SLC25A6: variants seen among roughly 807,000 people sequenced by gnomAD.
SLC25A6 encodes the protein solute carrier family 25 member 6, also known as ADP/ATP translocase 3.
SLC25A6 carries 9 observed loss-of-function variants against 25.7 expected under a neutral mutation model. The ratio of observed to expected loss-of-function variants is 0.35; its 90% confidence interval spans 0.21 to 0.61. SLC25A6 has a LOEUF of 0.61. SLC25A6 is among the 20% of genes least tolerant of loss of function. The pLI is 0.76. For missense variants in SLC25A6, 404 were observed against 440.5 expected, an observed-to-expected ratio of 0.92 and a Z score of 0.74; for synonymous variants, 223 against 197.0, an observed-to-expected ratio of 1.13 and a Z score of -1.11.
rs11550232 is a variant in SLC25A6 at position 1,389,473 on chromosome X, C to T, written c.366G>A (p.Ala122=). Residue 122 remains alanine (A), a synonymous_variant, in exon 2 of 4, where the codon GCG becomes GCA. Transcript: ENST00000381401. ...CGAAGCAGAGGGAGGTCGCGCCGGCCGCACCGCCGGAGGCCAGGTTGCCCG... is the reference window on the plus strand; with the variant it reads ...CGAAGCAGAGGGAGGTCGCGCCGGCTGCACCGCCGGAGGCCAGGTTGCCCG... ...YFAGNLASGG[A]AGATSLCFVY... 1.1e-4 allele frequency: 183 copies of T among 1,613,892 alleles called. 1 individual carries two copies. The highest frequency in any genetic ancestry group is 1.8e-4 in the South Asian group (16 of 91,082).
Position 1,386,577 on chromosome X carries a change from G to C in SLC25A6, c.*25C>G. 6.6e-7 allele frequency: 1 copy of C among 1,522,602 alleles called. No individual in the cohort carries two copies. Among genetic ancestry groups the C allele is most frequent in the Non-Finnish European group, 8.8e-7 (1 of 1,137,242 alleles). The allele number at this position is 1,522,602 out of a possible 1,614,324, so 94.3% of individuals were successfully genotyped here. A position where few individuals can be genotyped will look rare whatever the true frequency, so the allele number is the denominator to read the frequency against. On this transcript the variant is annotated 3_prime_UTR_variant, in exon 4 of 4. Coordinates refer to ENST00000381401, the MANE Select transcript of SLC25A6 (RefSeq NM_001636.4). The stretch of plus-strand genomic sequence containing the variant: ...TTCTCTTGGTTCCCCTGGTGTGTGT[G>C]TGTGTGTGGAGGAGGCCGCGGCCCT...
At chrX:1,391,768 C>A in intron 1 of SLC25A6, 131 bp downstream of exon 1, 1 of 656,002 alleles carries the variant, frequency 1.5e-6, no homozygotes, top group Non-Finnish European at 2.5e-6. Flanking sequence ...GCCGGCGGCG[C>A]GTGGACAAAG....
chrX:1,387,873 T>C (rs2089346649), intron 2 of SLC25A6, among the ~76,000 whole-genome samples: 1 of 151,804 alleles, frequency 6.6e-6, no homozygotes, highest in Non-Finnish European at 1.5e-5. Flanking sequence ...ACGACCCCAG[T>C]GTCCTTCTAA....
rs1189174302 is a variant in SLC25A6 at position 1,386,366 on chromosome X, C to T, written c.*236G>A. 8 of 485,888 alleles carry T rather than the reference C, an allele frequency of 1.6e-5. No individual in the cohort carries two copies. The highest frequency in any genetic ancestry group is 1.7e-5 in the Non-Finnish European group (5 of 287,246). The allele number at this position is 485,888 out of a possible 1,614,324, so 30.1% of individuals were successfully genotyped here. On this transcript the variant is annotated 3_prime_UTR_variant, in exon 4 of 4. Coordinates refer to ENST00000381401, the MANE Select transcript of SLC25A6 (RefSeq NM_001636.4). ...TGGAGTGTCTCACCCATGGGCCCCACGCAGGGACGCCACGGTTCCCTCCCA... is the reference window on the plus strand; with the variant it reads ...TGGAGTGTCTCACCCATGGGCCCCATGCAGGGACGCCACGGTTCCCTCCCA...
chrX:1,389,073 T>C (rs1472091623), intron 2 of SLC25A6, among the ~76,000 whole-genome samples, 168 bp downstream of exon 2: 64 of 140,468 alleles, frequency 4.6e-4, no homozygotes, highest in East Asian at 6.5e-4. Flanking sequence ...AGAGGGATGA[T>C]GCTGTGAGGG....
In SLC25A6 at chrX:1,392,069, G is replaced by A. The variant is rs2089422414; in HGVS notation, c.-60C>T. ...CGGAGAACGGGCGCGGAGAGTGAAT[G>A]GAGGGCGTCGCTGGCTCAGCCCTGC... On this transcript the variant is annotated 5_prime_UTR_variant, in exon 1 of 4. Coordinates refer to ENST00000381401, the MANE Select transcript of SLC25A6 (RefSeq NM_001636.4). 2 of 1,295,052 alleles carry A rather than the reference G, an allele frequency of 1.5e-6. No individual in the cohort carries two copies. The highest frequency in any genetic ancestry group is 1.3e-5 in the South Asian group (1 of 78,842). 80.2% of individuals were successfully genotyped at this position (1,295,052 alleles called of 1,614,324 possible). A position where few individuals can be genotyped will look rare whatever the true frequency, so the allele number is the denominator to read the frequency against.
At chrX:1,389,749 C>G in intron 1 of SLC25A6, 22 bp from the exon 2 acceptor site, 1 of 1,605,624 alleles carries the variant, frequency 6.2e-7, no homozygotes, top group Non-Finnish European at 8.5e-7. Context: ...AGAGGGTGTT[C>G]AGACCAGACC....
intron 1 of SLC25A6, among the ~76,000 whole-genome samples, chrX:1,391,341 C>CA (rs1170405765): frequency 1.3e-5 from 2 of 152,190 alleles, no homozygotes; most frequent in African/African-American, 4.8e-5. Flanking sequence ...TGTTCCTAGG[C>CA]ATCATGCTAC....
Position 1,387,315 on chromosome X carries a change from G to A in SLC25A6, c.703C>T (p.Arg235Trp). Residue 235 changes from arginine to tryptophan, a missense_variant, in exon 3 of 4, where the codon CGG becomes TGG. Physicochemically the swap from Arg to Trp is moderately radical, Grantham distance 101. Transcript: ENST00000381401. ...CCGGACTGCATCATCATGCGCCGCC[G>A]CACCGTGTCGAAGGGGTAGGACACC... ...GVVSYPFDTV[R>W]RRMMMQSGRK... 1.2e-6 allele frequency: 2 copies of A among 1,613,184 alleles called. No homozygotes were observed. The highest frequency in any genetic ancestry group is 1.7e-6 in the Non-Finnish European group (2 of 1,179,774).
rs2089419964 is a variant in SLC25A6, at chrX:1,391,947, G to A, written c.63C>T (p.Ile21=). ...CGATCGGAGCCACGGCCGTCTTGGA[G>A]ATGGCGGCGGCGATGCCTCCGGCCA... ...DFLAGGIAAA[I]SKTAVAPIER... is the part of the protein sequence containing the mutation. Residue 21 remains isoleucine, a synonymous_variant, in exon 1 of 4, where the codon ATC becomes ATT. Coordinates refer to ENST00000381401, the MANE Select transcript of SLC25A6 (RefSeq NM_001636.4). 6.2e-7 allele frequency: 1 copy of A among 1,609,906 alleles called. No individual in the cohort carries two copies. Among genetic ancestry groups the A allele is most frequent in the Non-Finnish European group, 8.5e-7 (1 of 1,179,036 alleles).
chrX:1,389,797 G>A, intron 1 of SLC25A6, 70 bp from the exon 2 acceptor site: 7 of 1,568,984 alleles, frequency 4.5e-6, no homozygotes, highest in Non-Finnish European at 6.0e-6. Flanking sequence ...GCTACAGGGT[G>A]CATCCTTTTT....
intron 1 of SLC25A6, among the ~76,000 whole-genome samples, chrX:1,391,631 T>C (rs1478985748): frequency 7.9e-5 from 12 of 152,228 alleles, no homozygotes; most frequent in Admixed American, 1.3e-4. Flanking sequence ...GGTCCGTCCA[T>C]GGGCCCTGCT....
rs1179059392 is a variant in SLC25A6, at chrX:1,389,594, A to T, written c.245T>A (p.Phe82Tyr). The change falls in exon 2 of 4, where the codon TTC becomes TAC. Residue 82 changes from phenylalanine to tyrosine, a missense_variant. Transcript: ENST00000381401. ...RGNLANVIRY[F>Y]PTQALNFAFK... Reference sequence around the variant, plus strand: ...GGCGAAGTTGAGGGCTTGAGTGGGGAAGTAGCGAATGACGTTGGCAAGGTT... The same window carrying T: ...GGCGAAGTTGAGGGCTTGAGTGGGGTAGTAGCGAATGACGTTGGCAAGGTT... 6.2e-7 allele frequency: 1 copy of T among 1,614,090 alleles called. No individual in the cohort carries two copies. The highest frequency in any genetic ancestry group is 1.1e-5 in the South Asian group (1 of 91,086).
intron 1 of SLC25A6, among the ~76,000 whole-genome samples, chrX:1,391,096 G>A: frequency 6.6e-6 from 1 of 152,208 alleles, no homozygotes; most frequent in Non-Finnish European, 1.5e-5. Context: ...TCCTCTCCGG[G>A]CCTCTCAATG....
chrX:1,391,360 A>T (rs1440453191), intron 1 of SLC25A6, among the ~76,000 whole-genome samples: 3 of 152,192 alleles, frequency 2.0e-5, no homozygotes, highest in African/African-American at 7.2e-5. Flanking sequence ...ACTTTCTATA[A>T]GCCTCTCCCA....
At chrX:1,388,843 G>C (rs1171041275) in intron 2 of SLC25A6, among the ~76,000 whole-genome samples, 1 of 149,184 alleles carries the variant, frequency 6.7e-6, no homozygotes, top group Non-Finnish European at 1.5e-5. Context: ...GGACGACCCC[G>C]TGAGGGCACA....
chrX:1,388,326 A>G (rs2089354969), intron 2 of SLC25A6, among the ~76,000 whole-genome samples: 1 of 150,974 alleles, frequency 6.6e-6, no homozygotes, highest in Admixed American at 6.6e-5. Flanking sequence ...AGCAGCCTCA[A>G]ATGGACTAAG....
rs2089330283 is a variant in SLC25A6, at chrX:1,386,752, G to A, written c.747C>T (p.Ile249=). ...MMQSGRKGAD[I]MYTGTVDCWR... ...AACAGTCGACGGTGCCCGTGTACAT[G>A]ATGTCAGCTGCAACGACAGGGAGAC... The change falls in exon 4 of 4, where the codon ATC becomes ATT. Residue 249 remains isoleucine (I), a synonymous_variant. Transcript: ENST00000381401. 1 of 1,603,986 alleles carries A rather than the reference G, an allele frequency of 6.2e-7. No homozygotes were observed. The highest frequency in any genetic ancestry group is 8.5e-7 in the Non-Finnish European group (1 of 1,176,014).
At chrX:1,388,681 C>T (rs2089359850) in intron 2 of SLC25A6, among the ~76,000 whole-genome samples, 1 of 151,930 alleles carries the variant, frequency 6.6e-6, no homozygotes, top group Non-Finnish European at 1.5e-5. Flanking sequence ...CCTGCCCATG[C>T]CTTGGTCTCA....
Sources: gnomAD v4.1 joint callset for allele counts (sites outside exome capture counted in the v4.1 genomes callset) on GRCh38, gnomAD v4.1.1 for gene constraint, MANE v1.5 for transcripts, NCBI Gene and HGNC (gene_info 2026-07-23, HGNC 2026-07-21) for gene names.